MINDY4: variants seen among roughly 807,000 people sequenced by gnomAD.
MINDY4 encodes the protein MINDY lysine 48 deubiquitinase 4.
A neutral mutation model predicts 87.0 loss-of-function variants in MINDY4; 68 were observed. That is an observed-to-expected ratio of 0.78 (90% CI 0.64 to 0.96). The LOEUF is 0.96. Among genes scored for constraint, MINDY4 ranks in the 40% least tolerant of loss-of-function variants. The probability of loss-of-function intolerance (pLI) is 0.00; values close to 1 mark genes in which losing one functional copy is unlikely to be tolerated. For missense variants in MINDY4, 919 were observed against 928.2 expected, an observed-to-expected ratio of 0.99 and a Z score of 0.13; for synonymous variants, 379 against 363.2, an observed-to-expected ratio of 1.04 and a Z score of -0.50.
chr7:30,822,349 T>G (rs1488682184), intron 5 of MINDY4, among the ~76,000 whole-genome samples: 1 of 152,096 alleles, frequency 6.6e-6, no homozygotes, highest in Non-Finnish European at 1.5e-5. Flanking sequence ...TTTTGTATTT[T>G]TAGTAGAGAC....
intron 17 of MINDY4, among the ~76,000 whole-genome samples, chr7:30,888,516 T>C (rs1226166291): frequency 6.6e-6 from 1 of 152,236 alleles, no homozygotes; most frequent in East Asian, 1.9e-4. Flanking sequence ...ATTGTGTCTC[T>C]TCTGCTCCTC....
intron 5 of MINDY4, among the ~76,000 whole-genome samples, chr7:30,808,378 G>C (rs187364305): frequency 9.6e-4 from 146 of 152,180 alleles, no homozygotes; most frequent in African/African-American, 3.3e-3. Flanking sequence ...CTTTGGTTTT[G>C]GTTTTCACAT....
chr7:30,861,929 G>A (rs1789779146), intron 13 of MINDY4, among the ~76,000 whole-genome samples: 1 of 152,252 alleles, frequency 6.6e-6, no homozygotes, highest in African/African-American at 2.4e-5. Flanking sequence ...CTTGTGCTGA[G>A]TGCCACTGGG....
intron 5 of MINDY4, among the ~76,000 whole-genome samples, chr7:30,797,329 A>C (rs1356099178): frequency 6.6e-6 from 1 of 152,224 alleles, no homozygotes; most frequent in Middle Eastern, 3.2e-3. Flanking sequence ...ATATCTGAGG[A>C]TTACAAGTGC....
Position 30,791,489 on chromosome 7 carries a change from T to C in MINDY4, c.988T>C (p.Tyr330His). Residue 330 changes from tyrosine (Y) to histidine (H), a missense_variant, in exon 5 of 18, where the codon TAC (tyrosine) becomes CAC (histidine). Transcript: ENST00000265299. ...CACGGACAGGATGCCCTTGAAGCTC[T>C]ACTTGCCTGGTGGTAATTCCAGGAT... ...TDTDRMPLKL[Y>H]LPGGNSRMTQ... The C allele has an allele frequency of 6.2e-7, 1 of 1,613,966 alleles. No homozygotes were observed. The highest frequency in any genetic ancestry group is 8.5e-7 in the Non-Finnish European group (1 of 1,179,946).
At chr7:30,788,812 G>A (rs11978517) in intron 4 of MINDY4, among the ~76,000 whole-genome samples, 92,633 of 152,120 alleles carry the variant, frequency 0.61, 30,184 homozygotes, top group African/African-American at 0.86. Context: ...AATGCCTGCC[G>A]TGTCCCTCCC....
chr7:30,845,034 G>T (rs1010599556), intron 9 of MINDY4, among the ~76,000 whole-genome samples: 7 of 152,224 alleles, frequency 4.6e-5, no homozygotes, highest in Non-Finnish European at 8.8e-5. Flanking sequence ...ATCCCTGGCA[G>T]AACCAAGACT....
intron 2 of MINDY4, chr7:30,780,973 A>T (rs1343954911): frequency 6.6e-6 from 1 of 152,234 alleles, no homozygotes; most frequent in Non-Finnish European, 1.5e-5. Context: ...TTGTCTGATG[A>T]ATCTGTTGAG....
At chr7:30,809,525 G>C (rs773101560) in intron 5 of MINDY4, among the ~76,000 whole-genome samples, 1 of 151,110 alleles carries the variant, frequency 6.6e-6, no homozygotes, top group Non-Finnish European at 1.5e-5. Flanking sequence ...CAGGACCATC[G>C]ATGGTTCCTC....
chr7:30,797,902 A>C (rs889249082), intron 5 of MINDY4, among the ~76,000 whole-genome samples: 4 of 152,168 alleles, frequency 2.6e-5, no homozygotes, highest in African/African-American at 9.7e-5. Flanking sequence ...GGGTGTATAC[A>C]TACATACAGA....
intron 5 of MINDY4, among the ~76,000 whole-genome samples, chr7:30,806,839 G>A (rs1215781196): frequency 1.3e-5 from 2 of 152,350 alleles, no homozygotes; most frequent in East Asian, 3.9e-4. Flanking sequence ...TCCCAGGTCA[G>A]GCCTGGACAA....
intron 15 of MINDY4, 108 bp downstream of exon 15, chr7:30,875,764 A>T: frequency 7.9e-7 from 1 of 1,267,888 alleles, no homozygotes; most frequent in Non-Finnish European, 1.1e-6. Flanking sequence ...AGCTGGCTGA[A>T]ATTCGGGTCC....
In MINDY4 at chr7:30,799,785, C is replaced by T. The variant is rs117479033; in HGVS notation, c.1073+8211C>T. Among the ~76,000 whole-genome samples the T allele has an allele frequency of 2.4e-4, 36 of 152,244 alleles. No individual in the cohort carries two copies. The East Asian group carries it at 5.6e-3, about 24-fold the overall frequency. On this transcript the variant is annotated intron_variant, in intron 5 of 17. Coordinates refer to ENST00000265299, the MANE Select transcript of MINDY4 (RefSeq NM_032222.3). ...TAGGGGCCAAGCCTGAGTCAGATTCCGGTACATGTAATTTGTTGGGGGCAT... is the reference window on the plus strand; with the variant it reads ...TAGGGGCCAAGCCTGAGTCAGATTCTGGTACATGTAATTTGTTGGGGGCAT...
intron 13 of MINDY4, among the ~76,000 whole-genome samples, chr7:30,863,746 G>A (rs1032129742): frequency 6.6e-6 from 1 of 152,194 alleles, no homozygotes; most frequent in African/African-American, 2.4e-5. Flanking sequence ...AGACCTTTGA[G>A]GTTTGTTTAT....
chr7:30,774,075 C>G (rs77967702), intron 1 of MINDY4, among the ~76,000 whole-genome samples: 12,973 of 152,256 alleles, frequency 0.085, 892 homozygotes, highest in African/African-American at 0.18. Context: ...AAATCCATGG[C>G]CACTCACCCT....
intron 13 of MINDY4, among the ~76,000 whole-genome samples, chr7:30,868,334 C>T (rs947925963): frequency 3.9e-5 from 6 of 152,340 alleles, no homozygotes; most frequent in Admixed American, 1.3e-4. Context: ...CACAAAACCA[C>T]GAGTCCTTTT....
intron 17 of MINDY4, among the ~76,000 whole-genome samples, chr7:30,884,178 A>G (rs570573899): frequency 6.6e-6 from 1 of 152,238 alleles, no homozygotes; most frequent in African/African-American, 2.4e-5. Context: ...TGCCCACCAC[A>G]GGAAAGCGAG....
intron 6 of MINDY4, among the ~76,000 whole-genome samples, chr7:30,835,999 C>G (rs140145973): frequency 3.3e-5 from 5 of 152,274 alleles, no homozygotes; most frequent in African/African-American, 1.2e-4. Flanking sequence ...GGTAGAGTTA[C>G]TAGGAGTCAC....
intron 17 of MINDY4, among the ~76,000 whole-genome samples, chr7:30,885,368 C>T (rs1584358709): frequency 1.3e-5 from 2 of 152,068 alleles, no homozygotes; most frequent in Non-Finnish European, 2.9e-5. Flanking sequence ...AAAAATTAGC[C>T]GGGCATGGTG....
Sources: allele counts gnomAD v4.1 joint callset (sites outside exome capture counted in the v4.1 genomes callset), GRCh38; gene constraint gnomAD v4.1.1; transcripts MANE v1.5; gene names NCBI Gene and HGNC (gene_info 2026-07-23, HGNC 2026-07-21).